The following GAS7 variants were observed in gnomAD, a reference collection of about 807,000 sequenced individuals.
The protein encoded by GAS7 is growth arrest specific 7.
In GAS7, 28 loss-of-function variants were observed where a neutral mutation model predicts 71.1. The observed-to-expected ratio is 0.39, with a 90% CI of 0.29 to 0.54. The LOEUF (loss-of-function observed/expected upper bound fraction) is 0.54, where lower values mean the gene tolerates loss of function less well. GAS7 is among the 20% of genes least tolerant of loss of function. GAS7 has a pLI of 0.62. For synonymous variants in GAS7, 258 were observed against 245.8 expected (o/e 1.05, Z -0.46); for missense variants, 436 against 627.8 (o/e 0.69, Z 3.27).
At chr17:10,098,346 A>T (rs2073665264) in intron 1 of GAS7, among the ~76,000 whole-genome samples, 1 of 152,224 alleles carries the variant, frequency 6.6e-6, no homozygotes, top group Non-Finnish European at 1.5e-5. Flanking sequence ...CACTCACCCC[A>T]TGCAGCCAGG....
At chr17:10,170,076 T>C (rs72810923) in intron 1 of GAS7, among the ~76,000 whole-genome samples, 7,649 of 152,246 alleles carry the variant, frequency 0.05, 243 homozygotes, top group South Asian at 0.1. Context: ...GTGACAGCCA[T>C]GTCACAGCCA....
At position 10,184,372 on chromosome 17, in the gene GAS7, G is replaced by A. The variant is rs567100625; in HGVS notation, c.183+13836C>T. On this transcript the variant is annotated intron_variant, in intron 1 of 13. Coordinates refer to ENST00000432992, the MANE Select transcript of GAS7 (RefSeq NM_201433.2). ...CACCAGCCACCATATCTCTGTCCTC[G>A]GATTAAATATACTCACAGAGGTCTA... Among the ~76,000 whole-genome samples, 10 of 152,230 alleles carry A rather than the reference G, an allele frequency of 6.6e-5. No homozygotes were observed. The South Asian group carries it at 1.0e-3, about 16-fold the overall frequency.
At chr17:10,052,469 C>G (rs1226526761) in intron 1 of GAS7, among the ~76,000 whole-genome samples, 1 of 152,202 alleles carries the variant, frequency 6.6e-6, no homozygotes, top group Non-Finnish European at 1.5e-5. Context: ...AGCATCTCCA[C>G]AGCAAAGAGC....
At chr17:10,024,805 C>T (rs62065814) in intron 1 of GAS7, among the ~76,000 whole-genome samples, 3 of 152,200 alleles carry the variant, frequency 2.0e-5, no homozygotes, top group African/African-American at 4.8e-5. Flanking sequence ...CATACACACA[C>T]ACGCTATTTC....
At chr17:9,997,720 CAGAT>C (rs1194850191) in intron 2 of GAS7, among the ~76,000 whole-genome samples, 1 of 152,274 alleles carries the variant, frequency 6.6e-6, no homozygotes, top group Non-Finnish European at 1.5e-5. Flanking sequence ...ACACATCTGA[CAGAT>C]AGGCTATAAA....
chr17:10,080,227 T>C (rs960039201), intron 1 of GAS7, among the ~76,000 whole-genome samples: 6 of 152,182 alleles, frequency 3.9e-5, no homozygotes, highest in African/African-American at 1.2e-4. Context: ...TATAATGTAT[T>C]AGCATGCTAA....
At chr17:10,142,891 C>CA (rs1178920622) in intron 1 of GAS7, among the ~76,000 whole-genome samples, 2 of 151,774 alleles carry the variant, frequency 1.3e-5, no homozygotes, top group African/African-American at 4.8e-5. Flanking sequence ...CCTCCCAATC[C>CA]AAAAAACAAA....
chr17:10,093,427 G>GGT (rs1265478378), intron 1 of GAS7, among the ~76,000 whole-genome samples: 1 of 152,018 alleles, frequency 6.6e-6, no homozygotes, highest in African/African-American at 2.4e-5. Context: ...AAAATTAGCT[G>GGT]GGCATGGTGG....
At position 9,969,237 on chromosome 17, in the gene GAS7, G is replaced by GCT. The variant is rs1411884499; in HGVS notation, c.471+438_471+439dup. On this transcript the variant is annotated intron_variant, in intron 4 of 13. Coordinates refer to ENST00000432992, the MANE Select transcript of GAS7 (RefSeq NM_201433.2). The surrounding 1 kb of genome is among the most constrained non-coding windows in gnomAD (Gnocchi z 5.5). ...TACTCCCATTTCCTTCCATCTCATA[G>GCT]CTCTCTCTATGCTACTTTATCAAAT... Among the ~76,000 whole-genome samples the GCT allele has an allele frequency of 6.6e-6, 1 of 152,162 alleles. No individual in the cohort carries two copies.
chr17:10,081,521 T>A (rs2073456891), intron 1 of GAS7, among the ~76,000 whole-genome samples: 1 of 152,092 alleles, frequency 6.6e-6, no homozygotes, highest in Non-Finnish European at 1.5e-5. Context: ...TTGACTAGAT[T>A]GCAACAAAAA....
chr17:9,962,239 T>TACACACACACACACACACACACACACAC (rs58521200), intron 4 of GAS7, among the ~76,000 whole-genome samples: 1 of 148,614 alleles, frequency 6.7e-6, no homozygotes, highest in African/African-American at 2.5e-5. Context: ...GTGCATTTTA[T>TACACACACACACACACACACACACACAC]ACACACACAC....
At chr17:10,197,409 C>A (rs1347582032) in intron 1 of GAS7, among the ~76,000 whole-genome samples, 1 of 152,124 alleles carries the variant, frequency 6.6e-6, no homozygotes, top group African/African-American at 2.4e-5. Context: ...GGTCACCCCC[C>A]CACACACAAA....
At chr17:10,001,989 G>A (rs147858647) in intron 2 of GAS7, among the ~76,000 whole-genome samples, 12 of 152,214 alleles carry the variant, frequency 7.9e-5, no homozygotes, top group African/African-American at 2.9e-4. Flanking sequence ...GAAATGTAGG[G>A]GACAGATTGC....
chr17:9,938,575 C>G (rs140992282), intron 8 of GAS7, among the ~76,000 whole-genome samples: 31 of 151,636 alleles, frequency 2.0e-4, no homozygotes, highest in African/African-American at 5.3e-4. Flanking sequence ...CAGAAGGCGG[C>G]CATCTGCAAC....
intron 1 of GAS7, among the ~76,000 whole-genome samples, chr17:10,152,109 AC>A (rs1036320904): frequency 6.6e-6 from 1 of 152,154 alleles, no homozygotes; most frequent in Non-Finnish European, 1.5e-5. Flanking sequence ...CTCACCTCTG[AC>A]TGGCTGTCAC....
At chr17:10,029,922 T>C (rs2072570148) in intron 1 of GAS7, among the ~76,000 whole-genome samples, 1 of 151,896 alleles carries the variant, frequency 6.6e-6, no homozygotes, top group Non-Finnish European at 1.5e-5. Context: ...GGAGGAACAC[T>C]GAGATCATGA....
chr17:10,113,860 T>C (rs2073836472), intron 1 of GAS7, among the ~76,000 whole-genome samples: 1 of 152,182 alleles, frequency 6.6e-6, no homozygotes, highest in South Asian at 2.1e-4. Context: ...ACCTATTTGA[T>C]AAGTATAAAA....
intron 8 of GAS7, among the ~76,000 whole-genome samples, chr17:9,936,121 T>G (rs1055094379): frequency 6.6e-6 from 1 of 152,176 alleles, no homozygotes; most frequent in Non-Finnish European, 1.5e-5. Flanking sequence ...CGGCCCTACC[T>G]CACACCATAC....
intron 5 of GAS7, among the ~76,000 whole-genome samples, chr17:9,949,931 G>A (rs1375266357): frequency 1.4e-5 from 2 of 146,730 alleles, no homozygotes; most frequent in African/African-American, 5.0e-5. Flanking sequence ...GCACGATCTC[G>A]GCTCACTGCA....
Sources: allele counts gnomAD v4.1 joint callset (sites outside exome capture counted in the v4.1 genomes callset), GRCh38; gene constraint gnomAD v4.1.1; non-coding constraint Gnocchi (gnomAD v3.1); transcripts MANE v1.5; gene names NCBI Gene and HGNC (gene_info 2026-07-23, HGNC 2026-07-21).